The following SYNDIG1L variants were observed in gnomAD, a reference collection of about 807,000 sequenced individuals.
The protein encoded by SYNDIG1L is synapse differentiation-inducing gene protein 1-like.
In SYNDIG1L, 13 loss-of-function variants were observed where a neutral mutation model predicts 20.1. The observed-to-expected ratio is 0.65, with a 90% confidence interval of 0.42 to 1.03. The LOEUF (loss-of-function observed/expected upper bound fraction) is 1.03, where lower values mean the gene tolerates loss of function less well. SYNDIG1L is among the 50% of genes least tolerant of loss of function. SYNDIG1L has a pLI of 0.00. For synonymous variants in SYNDIG1L, 128 were observed against 129.3 expected (o/e 0.99, Z 0.07); for missense variants, 294 against 305.1 (o/e 0.96, Z 0.27).
the SYNDIG1L span, among the ~76,000 whole-genome samples, chr14:74,452,050 GT>G: frequency 7.0e-6 from 1 of 142,534 alleles, no homozygotes; most frequent in Non-Finnish European, 1.5e-5. Flanking sequence ...AACAACTCAT[GT>G]TTTTTAAATG....
At chr14:74,421,321 G>T (rs2086219804) in intron 1 of SYNDIG1L, among the ~76,000 whole-genome samples, 1 of 152,054 alleles carries the variant, frequency 6.6e-6, no homozygotes, top group South Asian at 2.1e-4. Context: ...AAAAGAAAAA[G>T]TAAATGAAAT....
the SYNDIG1L span, among the ~76,000 whole-genome samples, chr14:74,431,572 A>G: frequency 1.3e-5 from 2 of 152,108 alleles, no homozygotes; most frequent in Admixed American, 6.5e-5. Flanking sequence ...AAATTAATAT[A>G]CTAGATTCAT....
At chr14:74,434,606 CTG>C in the SYNDIG1L span, among the ~76,000 whole-genome samples, 3 of 151,386 alleles carry the variant, frequency 2.0e-5, no homozygotes, top group African/African-American at 7.3e-5. Context: ...GGTCAGGAAA[CTG>C]GGAGGGGAAA....
upstream of SYNDIG1L, among the ~76,000 whole-genome samples, chr14:74,426,924 C>T (rs868759282): frequency 2.0e-5 from 3 of 152,000 alleles, no homozygotes; most frequent in South Asian, 4.2e-4. Flanking sequence ...GCCTCAGGTT[C>T]CTCATGGACA....
At position 74,408,829 on chromosome 14, in the gene SYNDIG1L, T is replaced by G. The variant is rs555523835; in HGVS notation, c.417+499A>C. On this transcript the variant is annotated intron_variant, in intron 2 of 3. Transcript: ENST00000331628. ...ACTTACACAATCATCCACCAAAATG[T>G]TATCTTTGAGTGTGCTGGGTTTAAA... Among the ~76,000 whole-genome samples the G allele has an allele frequency of 3.9e-5, 6 of 152,194 alleles. No homozygotes were observed. The South Asian group carries it at 1.2e-3, about 32-fold the overall frequency.
chr14:74,412,304 C>G lies in SYNDIG1L; in HGVS notation c.-57-2503G>C, dbSNP rs115343150. Reference sequence around the variant, plus strand: ...GCCCTCCAAGGGCAGCTTTGGAGCCCCTGCCATGGTCTCCCTTCTCCCAGT... The same window carrying G: ...GCCCTCCAAGGGCAGCTTTGGAGCCGCTGCCATGGTCTCCCTTCTCCCAGT... On this transcript the variant is annotated intron_variant, in intron 1 of 3. Coordinates refer to ENST00000331628, the MANE Select transcript of SYNDIG1L (RefSeq NM_001105579.2). Among the ~76,000 whole-genome samples the G allele has an allele frequency of 4.9e-3, 750 of 152,286 alleles. 6 individuals are homozygous for G. The highest frequency in any genetic ancestry group is 0.017 in the African/African-American group (717 of 41,548).
chr14:74,456,625 G>A, the SYNDIG1L span, among the ~76,000 whole-genome samples: 1 of 152,044 alleles, frequency 6.6e-6, no homozygotes, highest in African/African-American at 2.4e-5. Flanking sequence ...TCCCAATGAG[G>A]TATAAATGCA....
At chr14:74,421,871 T>C (rs2086224424) in intron 1 of SYNDIG1L, among the ~76,000 whole-genome samples, 1 of 152,188 alleles carries the variant, frequency 6.6e-6, no homozygotes, top group Non-Finnish European at 1.5e-5. Flanking sequence ...TTAGTCACTG[T>C]CTTCCAGGGA....
intron 1 of SYNDIG1L, among the ~76,000 whole-genome samples, chr14:74,412,232 G>A (rs1330226987): frequency 1.3e-5 from 2 of 152,216 alleles, no homozygotes; most frequent in South Asian, 2.1e-4. Context: ...GGCTGGGCTC[G>A]TGGCTGGGCT....
At chr14:74,462,313 G>A in the SYNDIG1L span, among the ~76,000 whole-genome samples, 5 of 151,388 alleles carry the variant, frequency 3.3e-5, no homozygotes, top group African/African-American at 4.9e-5. Flanking sequence ...GTGAAACTCC[G>A]TCTGTACTAA....
the SYNDIG1L span, chr14:74,476,664 A>T: frequency 8.4e-7 from 1 of 1,185,394 alleles, no homozygotes; most frequent in Admixed American, 2.1e-5. Context: ...ACTCACCCAC[A>T]TTGCCCACCC....
the SYNDIG1L span, among the ~76,000 whole-genome samples, chr14:74,440,085 A>G: frequency 2.0e-5 from 3 of 151,910 alleles, no homozygotes; most frequent in Non-Finnish European, 4.4e-5. Context: ...TTTGGCCTTA[A>G]TAATGCATCT....
At chr14:74,442,615 G>A in the SYNDIG1L span, among the ~76,000 whole-genome samples, 1 of 152,214 alleles carries the variant, frequency 6.6e-6, no homozygotes, top group African/African-American at 2.4e-5. Context: ...AATATTATCA[G>A]ATTTGCTTTT....
the SYNDIG1L span, among the ~76,000 whole-genome samples, chr14:74,440,113 C>T: frequency 1.3e-5 from 2 of 152,176 alleles, no homozygotes; most frequent in Admixed American, 1.3e-4. Context: ...GGCGCGGTGG[C>T]TCACGTCTGT....
At chr14:74,457,452 C>T in the SYNDIG1L span, among the ~76,000 whole-genome samples, 1 of 152,108 alleles carries the variant, frequency 6.6e-6, no homozygotes, top group Non-Finnish European at 1.5e-5. Context: ...CGCCCTGCTT[C>T]TCTGGGCCTC....
chr14:74,429,139 G>A (rs1407304328), upstream of SYNDIG1L, among the ~76,000 whole-genome samples: 1 of 152,214 alleles, frequency 6.6e-6, no homozygotes, highest in African/African-American at 2.4e-5. Flanking sequence ...GAAAGGCCCA[G>A]ACTTGGGCCA....
the SYNDIG1L span, among the ~76,000 whole-genome samples, chr14:74,466,620 G>T: frequency 6.6e-6 from 1 of 152,158 alleles, no homozygotes; most frequent in African/African-American, 2.4e-5. Context: ...TGAACAAGGG[G>T]CTGCTGCTGG....
At chr14:74,475,648 G>A in the SYNDIG1L span, among the ~76,000 whole-genome samples, 4 of 151,676 alleles carry the variant, frequency 2.6e-5, no homozygotes, top group Admixed American at 2.6e-4. Flanking sequence ...TTCCAGGCAG[G>A]AAAAAGGCAA....
At chr14:74,457,176 G>C in the SYNDIG1L span, among the ~76,000 whole-genome samples, 1 of 152,060 alleles carries the variant, frequency 6.6e-6, no homozygotes. Context: ...AACCAGGTCA[G>C]GTGCTGGGTC....
Sources: allele counts gnomAD v4.1 joint callset (sites outside exome capture counted in the v4.1 genomes callset), GRCh38; gene constraint gnomAD v4.1.1; transcripts MANE v1.5; gene names NCBI Gene and HGNC (gene_info 2026-07-23, HGNC 2026-07-21).